TNS3: variants seen among roughly 807,000 people sequenced by gnomAD.
TNS3 encodes the protein tensin 3.
TNS3 carries 45 observed loss-of-function variants against 140.9 expected under a neutral mutation model. That is an observed-to-expected ratio of 0.32 (90% confidence interval 0.25 to 0.41). The LOEUF (loss-of-function observed/expected upper bound fraction) is 0.41, where lower values mean the gene tolerates loss of function less well. Among genes scored for constraint, TNS3 ranks in the 10% least tolerant of loss-of-function variants. The pLI, the probability that TNS3 is intolerant of heterozygous loss-of-function variation, is 1.00. For missense variants in TNS3, 1,716 were observed against 1,906.7 expected, an observed-to-expected ratio of 0.90 and a Z score of 1.86; for synonymous variants, 815 against 788.4, an observed-to-expected ratio of 1.03 and a Z score of -0.56.
rs899382121 is a variant in TNS3 at position 47,448,732 on chromosome 7, G to A, written c.-75-6677C>T. Among the ~76,000 whole-genome samples the A allele has an allele frequency of 4.6e-5, 7 of 152,134 alleles. No homozygotes were observed. The South Asian group carries it at 8.3e-4, about 18-fold the overall frequency. ...TGACCTCAGGCAATCCACCCACCTC[G>A]GCTTCCAATGCTGGGATTGCAGGCG... is the stretch of plus-strand genomic sequence containing the variant. On this transcript the variant is annotated intron_variant, in intron 4 of 30. Transcript: ENST00000311160.
At position 47,369,178 on chromosome 7, in the gene TNS3, C is replaced by T. The variant is rs748961820; in HGVS notation, c.1468G>A (p.Val490Met). Residue 490 changes from valine (V) to methionine (M), a missense_variant, in exon 17 of 31, where the codon GTG becomes ATG. Around this residue, in one of 3 missense-constraint regions of TNS3, gnomAD observed 1,163 missense variants for 1,182.1 expected, o/e 0.98. Coordinates refer to ENST00000311160, the MANE Select transcript of TNS3 (RefSeq NM_022748.12). ...GAGGACAGGGTCCCAAGGCTGTCCA[C>T]ACTGTGCAGGTCGTGGTGGGGCATC... is the stretch of plus-strand genomic sequence containing the variant. ...DEMPHHDLHSVDSLGTLSSSE... is the reference protein window; with the variant it reads ...DEMPHHDLHSMDSLGTLSSSE... 1 of 1,614,194 alleles carries T rather than the reference C, an allele frequency of 6.2e-7. No homozygotes were observed. The highest frequency in any genetic ancestry group is 2.2e-5 in the East Asian group (1 of 44,882).
At position 47,551,929 on chromosome 7, in the gene TNS3, G is replaced by A. The variant is rs1057367561; in HGVS notation, c.-264-22782C>T. Among the ~76,000 whole-genome samples, 6 of 152,080 alleles carry A rather than the reference G, an allele frequency of 3.9e-5. No individual in the cohort carries two copies. The South Asian group carries it at 1.0e-3, about 26-fold the overall frequency. ...GGGTGGAGAGGGAGGCTACAAAACC[G>A]TGTGTCCACCGGGAGCGATCCTTGG... On this transcript the variant is annotated intron_variant, in intron 1 of 30. Coordinates refer to ENST00000311160, the MANE Select transcript of TNS3 (RefSeq NM_022748.12).
chr7:47,519,193 G>A (rs765271731), intron 2 of TNS3, among the ~76,000 whole-genome samples: 4 of 152,096 alleles, frequency 2.6e-5, no homozygotes, highest in Non-Finnish European at 5.9e-5. Context: ...CATAATCTAT[G>A]TATAGGACGA....
At chr7:47,571,598 C>T (rs2152017762) in intron 1 of TNS3, among the ~76,000 whole-genome samples, 1 of 152,374 alleles carries the variant, frequency 6.6e-6, no homozygotes. Flanking sequence ...CAAGGGGACT[C>T]CAGACAATAG....
At chr7:47,338,351 A>G (rs1788751276) in intron 20 of TNS3, among the ~76,000 whole-genome samples, 2 of 152,232 alleles carry the variant, frequency 1.3e-5, no homozygotes, top group Admixed American at 1.3e-4. Flanking sequence ...CATGCTCACC[A>G]GTATTGGATG....
At chr7:47,443,998 AAAAGG>A (rs1213726096) in intron 4 of TNS3, among the ~76,000 whole-genome samples, 16 of 152,364 alleles carry the variant, frequency 1.1e-4, no homozygotes, top group African/African-American at 3.8e-4. Context: ...GAAGTCTCCG[AAAAGG>A]TAAGGAAATG....
intron 13 of TNS3, among the ~76,000 whole-genome samples, chr7:47,411,472 G>A (rs1271181403): frequency 6.6e-6 from 1 of 152,170 alleles, no homozygotes; most frequent in Admixed American, 6.5e-5. Flanking sequence ...ATCTCATGGC[G>A]CCGCTGATCT....
chr7:47,534,669 A>C (rs991179288), intron 1 of TNS3, among the ~76,000 whole-genome samples: 1 of 152,180 alleles, frequency 6.6e-6, no homozygotes, highest in Non-Finnish European at 1.5e-5. Context: ...AAGTATCTAT[A>C]TACATTTAAG....
chr7:47,367,646 G>A (rs543369264), intron 17 of TNS3, among the ~76,000 whole-genome samples: 39 of 152,132 alleles, frequency 2.6e-4, no homozygotes, highest in South Asian at 1.7e-3. Flanking sequence ...AGAGGCCCCC[G>A]CACCGGGTCC....
At chr7:47,531,896 G>A (rs2151945515) in intron 1 of TNS3, among the ~76,000 whole-genome samples, 1 of 152,284 alleles carries the variant, frequency 6.6e-6, no homozygotes, top group African/African-American at 2.4e-5. Context: ...GCCCCCCGGG[G>A]TGCAGCTGCA....
intron 2 of TNS3, among the ~76,000 whole-genome samples, chr7:47,508,951 C>A (rs1584790285): frequency 6.6e-6 from 1 of 152,216 alleles, no homozygotes; most frequent in East Asian, 1.9e-4. Flanking sequence ...CCCAACCAAG[C>A]CTTCAGATGG....
At chr7:47,543,691 G>A (rs1286448037) in intron 1 of TNS3, among the ~76,000 whole-genome samples, 1 of 152,198 alleles carries the variant, frequency 6.6e-6, no homozygotes, top group Non-Finnish European at 1.5e-5. Context: ...TAGATAACGT[G>A]ATGAATGAGA....
chr7:47,530,858 T>TATATATATATA (rs60516528), intron 1 of TNS3, among the ~76,000 whole-genome samples: 19 of 131,638 alleles, frequency 1.4e-4, no homozygotes, highest in South Asian at 1.1e-3. Context: ...TATATATATA[T>TATATATATATA]TTCTAGCACA....
In TNS3 at chr7:47,344,684, T is replaced by C. The variant is rs1354668963; in HGVS notation, c.2650+71A>G. On this transcript the variant is annotated intron_variant, in intron 20 of 30. Transcript: ENST00000311160. ...ACATTTCTGCATACGAGTTCTTCTC[T>C]GTAAAAATGGCGACCCCGCGATGCA... 2.9e-6 allele frequency: 4 copies of C among 1,387,894 alleles called. No homozygotes were observed. The East Asian group carries it at 9.2e-5, about 32-fold the overall frequency. 86.0% of individuals were successfully genotyped at this position (1,387,894 alleles called of 1,614,324 possible).
chr7:47,459,135 G>GT (rs1439330800), intron 4 of TNS3, among the ~76,000 whole-genome samples: 2 of 152,188 alleles, frequency 1.3e-5, no homozygotes, highest in African/African-American at 4.8e-5. Flanking sequence ...TTAACAGCAT[G>GT]TTTTTTGGTC....
At chr7:47,469,252 C>A (rs188741425) in intron 4 of TNS3, among the ~76,000 whole-genome samples, 1 of 152,248 alleles carries the variant, frequency 6.6e-6, no homozygotes, top group East Asian at 1.9e-4. Flanking sequence ...GCTAATTAAA[C>A]TAAAGAACTT....
At chr7:47,453,214 G>C in intron 4 of TNS3, 1 of 985,594 alleles carries the variant, frequency 1.0e-6, no homozygotes, top group Non-Finnish European at 1.2e-6. Context: ...ATGTCCGCCC[G>C]GGGCTGAGGG....
intron 20 of TNS3, among the ~76,000 whole-genome samples, chr7:47,340,223 A>C (rs972065109): frequency 7.0e-6 from 1 of 142,834 alleles, no homozygotes; most frequent in African/African-American, 2.6e-5. Flanking sequence ...CCTGGGTTCA[A>C]GTGATTCTCC....
rs552795390 is a variant in TNS3 at position 47,554,532 on chromosome 7, G to A, written c.-264-25385C>T. Among the ~76,000 whole-genome samples, 4 of 152,226 alleles carry A rather than the reference G, an allele frequency of 2.6e-5. No individual in the cohort carries two copies. In the East Asian group the frequency reaches 7.7e-4, roughly 29 times the overall value. ...AAATTGTCAATATTAACAGGAGTTT[G>A]GAAGAAGTTGATTTCAACCCTTATG... On this transcript the variant is annotated intron_variant, in intron 1 of 30. Coordinates refer to ENST00000311160, the MANE Select transcript of TNS3 (RefSeq NM_022748.12).
Sources: allele counts gnomAD v4.1 joint callset (sites outside exome capture counted in the v4.1 genomes callset), GRCh38; gene constraint gnomAD v4.1.1; regional missense constraint gnomAD v4.1.1; transcripts MANE v1.5; gene names NCBI Gene and HGNC (gene_info 2026-07-23, HGNC 2026-07-21).